Variants in DTNBP1 observed in about 807,000 individuals in gnomAD.
DTNBP1 encodes the protein dysbindin.
In DTNBP1, 35 loss-of-function variants were observed where a neutral mutation model predicts 42.8. The ratio of observed to expected loss-of-function variants is 0.82; its 90% CI spans 0.63 to 1.09. The LOEUF is 1.09. DTNBP1 is among the 50% of genes least tolerant of loss of function. The probability of loss-of-function intolerance (pLI) is 0.00; values close to 1 mark genes in which losing one functional copy is unlikely to be tolerated. For missense variants in DTNBP1, 457 were observed against 424.2 expected (o/e 1.08, Z -0.68); for synonymous variants, 171 against 162.2 (o/e 1.05, Z -0.41).
intron 1 of DTNBP1, among the ~76,000 whole-genome samples, chr6:15,656,114 A>G (rs1306760386): frequency 1.3e-5 from 2 of 152,238 alleles, no homozygotes; most frequent in East Asian, 3.8e-4. Flanking sequence ...ATTTCAAATG[A>G]AAGTTATAAT....
intron 3 of DTNBP1, among the ~76,000 whole-genome samples, chr6:15,648,774 A>T (rs1760826861): frequency 6.6e-6 from 1 of 152,136 alleles, no homozygotes; most frequent in Non-Finnish European, 1.5e-5. Context: ...ATGTTAATGG[A>T]TTGGAATACT....
At chr6:15,618,155 C>T (rs1404203247) in intron 5 of DTNBP1, among the ~76,000 whole-genome samples, 1 of 151,146 alleles carries the variant, frequency 6.6e-6, no homozygotes, top group Non-Finnish European at 1.5e-5. Flanking sequence ...AATGCAACAG[C>T]AAAAAATAAA....
intron 1 of DTNBP1, 45 bp downstream of exon 1, chr6:15,662,769 G>T: frequency 6.2e-7 from 1 of 1,610,616 alleles, no homozygotes. Flanking sequence ...CCAGGCGGCG[G>T]CCCGGCCCCC....
chr6:15,611,856 C>G (rs1296158742), intron 6 of DTNBP1, among the ~76,000 whole-genome samples: 1 of 152,100 alleles, frequency 6.6e-6, no homozygotes, highest in East Asian at 1.9e-4. Flanking sequence ...TATGGATGAG[C>G]AAAGGAAGTG....
intron 6 of DTNBP1, among the ~76,000 whole-genome samples, chr6:15,598,902 T>C (rs1276868904): frequency 6.6e-6 from 1 of 152,218 alleles, no homozygotes; most frequent in Non-Finnish European, 1.5e-5. Flanking sequence ...TTTATTATGC[T>C]ATTAATATAA....
At chr6:15,646,529 T>C (rs984027613) in intron 3 of DTNBP1, among the ~76,000 whole-genome samples, 1 of 151,550 alleles carries the variant, frequency 6.6e-6, no homozygotes, top group African/African-American at 2.4e-5. Context: ...CTAAAATTCA[T>C]ATGGAATCAA....
At chr6:15,594,101 T>C (rs761267848) in intron 6 of DTNBP1, among the ~76,000 whole-genome samples, 7 of 152,190 alleles carry the variant, frequency 4.6e-5, no homozygotes, top group Non-Finnish European at 7.4e-5. Flanking sequence ...CCTAACAATA[T>C]CTACTTATAA....
intron 3 of DTNBP1, among the ~76,000 whole-genome samples, chr6:15,650,483 A>G (rs1029313801): frequency 2.0e-5 from 3 of 151,950 alleles, no homozygotes; most frequent in Admixed American, 2.0e-4. Context: ...GGTTTCACCA[A>G]GTTGGCCAGG....
At chr6:15,634,183 C>CTAG (rs1759862223) in intron 4 of DTNBP1, among the ~76,000 whole-genome samples, 1 of 152,096 alleles carries the variant, frequency 6.6e-6, no homozygotes, top group Non-Finnish European at 1.5e-5. Flanking sequence ...CTAGATTAAT[C>CTAG]ATTTAAAAAT....
chr6:15,539,028 C>T (rs527667991), intron 7 of DTNBP1, among the ~76,000 whole-genome samples: 7 of 152,278 alleles, frequency 4.6e-5, no homozygotes, highest in African/African-American at 1.4e-4. Context: ...CTCTCAACTC[C>T]GGAGTCCAGC....
chr6:15,581,275 G>C (rs906932499), intron 7 of DTNBP1, among the ~76,000 whole-genome samples: 37 of 152,258 alleles, frequency 2.4e-4, no homozygotes, highest in African/African-American at 8.7e-4. Context: ...TGCCACCCAG[G>C]TTCAAGCAAT....
chr6:15,627,300 T>C, intron 5 of DTNBP1, 43 bp downstream of exon 5: 1 of 1,608,382 alleles, frequency 6.2e-7, no homozygotes, highest in African/African-American at 1.3e-5. Flanking sequence ...CCCAAGTTGT[T>C]TTCATTCCTA....
intron 7 of DTNBP1, among the ~76,000 whole-genome samples, chr6:15,576,691 C>T (rs1022911418): frequency 1.3e-5 from 2 of 150,778 alleles, no homozygotes; most frequent in Admixed American, 6.6e-5. Context: ...ATAGCCTGAA[C>T]CCAGGAGATG....
At chr6:15,635,138 C>T (rs1176886594) in intron 4 of DTNBP1, among the ~76,000 whole-genome samples, 1 of 151,994 alleles carries the variant, frequency 6.6e-6, no homozygotes, top group African/African-American at 2.4e-5. Context: ...GTTGTTGTTG[C>T]TTTAGACAGT....
chr6:15,646,666 T>C (rs532380963), intron 3 of DTNBP1, among the ~76,000 whole-genome samples: 30 of 151,886 alleles, frequency 2.0e-4, no homozygotes, highest in Middle Eastern at 3.4e-3. Flanking sequence ...AGTATAAAAA[T>C]AGACACACAG....
chr6:15,607,449 G>A (rs1361918849), intron 6 of DTNBP1, among the ~76,000 whole-genome samples: 1 of 151,692 alleles, frequency 6.6e-6, no homozygotes, highest in Non-Finnish European at 1.5e-5. Context: ...TTATAGGCAT[G>A]CAACACCATG....
At chr6:15,608,452 A>G (rs1182619161) in intron 6 of DTNBP1, among the ~76,000 whole-genome samples, 1 of 152,204 alleles carries the variant, frequency 6.6e-6, no homozygotes, top group Non-Finnish European at 1.5e-5. Context: ...ACTACTTAGA[A>G]TTCTCCAGAA....
Position 15,617,384 on chromosome 6 carries a change from T to C in DTNBP1, c.356-1985A>G, listed in dbSNP as rs186762964. Among the ~76,000 whole-genome samples, 408 of 152,014 alleles carry C rather than the reference T, an allele frequency of 2.7e-3. 4 individuals are homozygous for C. Among genetic ancestry groups the C allele is most frequent in the African/African-American group, 9.7e-3 (401 of 41,476 alleles). The stretch of plus-strand genomic sequence containing the variant: ...GAAAAAAAAAATTCTAAAACTCATA[T>C]GGAATCACACAAGACCCTGAATAGC... On this transcript the variant is annotated intron_variant, in intron 5 of 9. Transcript: ENST00000344537.
intron 9 of DTNBP1, among the ~76,000 whole-genome samples, 159 bp from the exon 10 acceptor site, chr6:15,523,378 C>G (rs1351939130): frequency 6.6e-6 from 1 of 152,316 alleles, no homozygotes; most frequent in East Asian, 1.9e-4. Context: ...CTGGAAGACA[C>G]TGAGCTGAGC....
Sources: allele counts gnomAD v4.1 joint callset (sites outside exome capture counted in the v4.1 genomes callset), GRCh38; gene constraint gnomAD v4.1.1; transcripts MANE v1.5; gene names NCBI Gene and HGNC (gene_info 2026-07-23, HGNC 2026-07-21).